Variants in RALGAPA1 observed in about 807,000 individuals in gnomAD.
RALGAPA1 encodes the protein Ral GTPase activating protein catalytic subunit alpha 1.
A neutral mutation model predicts 269.6 loss-of-function variants in RALGAPA1; 52 were observed. The ratio of observed to expected loss-of-function variants is 0.19; its 90% CI spans 0.15 to 0.24. The LOEUF (loss-of-function observed/expected upper bound fraction) is 0.24, where lower values mean the gene tolerates loss of function less well. Among genes scored for constraint, RALGAPA1 ranks in the 10% least tolerant of loss-of-function variants. The pLI, the probability that RALGAPA1 is intolerant of heterozygous loss-of-function variation, is 1.00. For synonymous variants in RALGAPA1, 817 were observed against 1,008.3 expected (o/e 0.81, Z 3.60); for missense variants, 1,917 against 3,013.9 (o/e 0.64, Z 8.52).
At chr14:35,780,901 G>A (rs1440610892) in intron 1 of RALGAPA1, among the ~76,000 whole-genome samples, 2 of 152,050 alleles carry the variant, frequency 1.3e-5, no homozygotes, top group Non-Finnish European at 2.9e-5. Flanking sequence ...CAACCAGCCC[G>A]GGCAACTTAG....
intron 39 of RALGAPA1, among the ~76,000 whole-genome samples, chr14:35,559,213 T>C (rs1758623631): frequency 6.6e-6 from 1 of 152,156 alleles, no homozygotes; most frequent in Admixed American, 6.5e-5. Flanking sequence ...TTAATTCCAT[T>C]ATTATTAAAA....
intron 28 of RALGAPA1, 83 bp from the exon 29 acceptor site, chr14:35,655,998 AAC>A: frequency 1.3e-6 from 2 of 1,593,756 alleles, no homozygotes; most frequent in Non-Finnish European, 8.5e-7. Context: ...ACACAGAATG[AAC>A]ATGCACTATT....
intron 18 of RALGAPA1, 133 bp from the exon 19 acceptor site, chr14:35,686,799 CTTCT>C: frequency 4.2e-6 from 2 of 478,760 alleles, no homozygotes; most frequent in Non-Finnish European, 7.5e-6. Flanking sequence ...AATAATTTCC[CTTCT>C]TTCAGATTTA....
intron 4 of RALGAPA1, among the ~76,000 whole-genome samples, chr14:35,769,677 G>A (rs931202472): frequency 5.9e-5 from 9 of 151,840 alleles, no homozygotes; most frequent in South Asian, 2.1e-4. Flanking sequence ...TATAGGAATC[G>A]AAAGGATTAC....
rs992801407 is a variant in RALGAPA1 at position 35,775,563 on chromosome 14, C to T, written c.217+72G>A. 2.3e-5 allele frequency: 35 copies of T among 1,489,992 alleles called. No homozygotes were observed. In the African/African-American group the frequency reaches 4.1e-4, roughly 18 times the overall value. The allele number at this position is 1,489,992 out of a possible 1,614,324, so 92.3% of individuals were successfully genotyped here. ...AAAATAAGTGAAACAATATGTCCAA[C>T]AGCCTTTAAGTTATGTTTATGACAA... is the stretch of plus-strand genomic sequence containing the variant. On this transcript the variant is annotated intron_variant, in intron 2 of 41. Transcript: ENST00000680220.
At chr14:35,595,825 C>T (rs752034550) in intron 36 of RALGAPA1, 36 bp from the exon 37 acceptor site, 1 of 1,565,420 alleles carries the variant, frequency 6.4e-7, no homozygotes, top group South Asian at 1.2e-5. Context: ...ATTAATTAAA[C>T]AAAACCCAAA....
chr14:35,729,579 C>T (rs1345280596), intron 12 of RALGAPA1, among the ~76,000 whole-genome samples: 7 of 152,010 alleles, frequency 4.6e-5, no homozygotes, highest in Non-Finnish European at 1.0e-4. Flanking sequence ...AATGGAGCTA[C>T]GTTCCTGTCT....
At chr14:35,757,121 T>TGTTA (rs112603338) in intron 6 of RALGAPA1, among the ~76,000 whole-genome samples, 1 of 137,202 alleles carries the variant, frequency 7.3e-6, no homozygotes, top group East Asian at 2.1e-4. Flanking sequence ...TTATTATTAT[T>TGTTA]TTTTTTTTTT....
chr14:35,562,464 C>G (rs180721692), intron 39 of RALGAPA1, among the ~76,000 whole-genome samples: 1 of 152,124 alleles, frequency 6.6e-6, no homozygotes, highest in African/African-American at 2.4e-5. Context: ...GAAGTGAAAA[C>G]CCTCATTAAT....
chr14:35,609,903 G>A (rs1465470918), intron 35 of RALGAPA1, among the ~76,000 whole-genome samples: 1 of 149,920 alleles, frequency 6.7e-6, no homozygotes, highest in East Asian at 1.9e-4. Flanking sequence ...ACTCCAGCCT[G>A]GGTGACACGG....
intron 26 of RALGAPA1, among the ~76,000 whole-genome samples, chr14:35,669,242 A>G (rs1595063110): frequency 6.6e-6 from 1 of 152,020 alleles, no homozygotes; most frequent in Non-Finnish European, 1.5e-5. Flanking sequence ...ATAATCCTAT[A>G]CGGCAGGTTA....
At chr14:35,804,068 G>C (rs2141954558) in intron 1 of RALGAPA1, among the ~76,000 whole-genome samples, 1 of 152,084 alleles carries the variant, frequency 6.6e-6, no homozygotes, top group Admixed American at 6.5e-5. Context: ...TTCAAGACCA[G>C]CCTGGCCAAC....
intron 35 of RALGAPA1, among the ~76,000 whole-genome samples, chr14:35,611,646 G>A (rs919330184): frequency 6.6e-6 from 1 of 151,774 alleles, no homozygotes; most frequent in Admixed American, 6.6e-5. Context: ...GAGGTGGGAG[G>A]ATCACTTGAG....
At chr14:35,542,661 T>C (rs1404626761) in intron 41 of RALGAPA1, 1 of 152,238 alleles carries the variant, frequency 6.6e-6, no homozygotes, top group Non-Finnish European at 1.5e-5. Flanking sequence ...ACTCTACCTA[T>C]TGATTTATAC....
chr14:35,736,962 G>C (rs1412540859), intron 12 of RALGAPA1, among the ~76,000 whole-genome samples: 1 of 151,854 alleles, frequency 6.6e-6, no homozygotes, highest in Admixed American at 6.6e-5. Flanking sequence ...GTTGAACCTG[G>C]GAGGCAGAGG....
In RALGAPA1 at chr14:35,672,833, C is replaced by T. The variant is rs531748540; in HGVS notation, c.5073+34G>A. The T allele has an allele frequency of 2.7e-5, 39 of 1,454,026 alleles. No homozygotes were observed. The South Asian group carries it at 4.1e-4, about 15-fold the overall frequency. 90.1% of individuals were successfully genotyped at this position (1,454,026 alleles called of 1,614,324 possible). ...AGAATCAAAGATAATATGATATAAACTACTTCTTAGATGATACATATATAT... is the reference window on the plus strand; with the variant it reads ...AGAATCAAAGATAATATGATATAAATTACTTCTTAGATGATACATATATAT... On this transcript the variant is annotated intron_variant, in intron 25 of 41. Coordinates refer to ENST00000680220, the MANE Select transcript of RALGAPA1 (RefSeq NM_001346249.2).
chr14:35,769,930 A>G (rs2074488317), intron 4 of RALGAPA1, among the ~76,000 whole-genome samples: 1 of 152,230 alleles, frequency 6.6e-6, no homozygotes, highest in African/African-American at 2.4e-5. Context: ...AGAAAACAAG[A>G]GGGACCACTT....
intron 39 of RALGAPA1, among the ~76,000 whole-genome samples, chr14:35,557,136 G>GTGTGTGTGTA (rs372185798): frequency 2.6e-4 from 38 of 148,214 alleles, no homozygotes; most frequent in Admixed American, 1.8e-3. Context: ...GTGTGTGTGT[G>GTGTGTGTGTA]TATATATATT....
intron 27 of RALGAPA1, among the ~76,000 whole-genome samples, chr14:35,663,180 C>T (rs2063667143): frequency 6.6e-6 from 1 of 152,044 alleles, no homozygotes; most frequent in Admixed American, 6.6e-5. Context: ...GCATGAGCCA[C>T]CATACCTGGC....
Sources: gnomAD v4.1 joint callset for allele counts (sites outside exome capture counted in the v4.1 genomes callset) on GRCh38, gnomAD v4.1.1 for gene constraint, MANE v1.5 for transcripts, NCBI Gene and HGNC (gene_info 2026-07-23, HGNC 2026-07-21) for gene names.